Variants in LRRC4C observed in about 807,000 individuals in gnomAD.
The protein encoded by LRRC4C is leucine rich repeat containing 4C, also known as leucine-rich repeat-containing protein 4C.
Under a neutral mutation model 33.6 loss-of-function variants are expected in LRRC4C, and 5 were observed. The ratio of observed to expected loss-of-function variants is 0.15; its 90% CI spans 0.08 to 0.31. The LOEUF is 0.31. Ranked by LOEUF, LRRC4C falls within the 10% of genes least tolerant of loss-of-function variation. The pLI, the probability that LRRC4C is intolerant of heterozygous loss-of-function variation, is 1.00. For synonymous variants in LRRC4C, 329 were observed against 302.0 expected, an observed-to-expected ratio of 1.09 and a Z score of -0.93; for missense variants, 560 against 796.7, an observed-to-expected ratio of 0.70 and a Z score of 3.58.
At chr11:40,454,304 T>G (rs1952032335) in intron 3 of LRRC4C, among the ~76,000 whole-genome samples, 1 of 152,084 alleles carries the variant, frequency 6.6e-6, no homozygotes, top group African/African-American at 2.4e-5. Context: ...TATAATCTTC[T>G]CACTCTCACT....
At chr11:40,938,666 G>T (rs1958013127) in intron 1 of LRRC4C, among the ~76,000 whole-genome samples, 1 of 152,130 alleles carries the variant, frequency 6.6e-6, no homozygotes. Context: ...TAAGGCACAA[G>T]GTAGTGAAGT....
chr11:41,178,310 G>C (rs1391176039), intron 1 of LRRC4C, among the ~76,000 whole-genome samples: 1 of 152,140 alleles, frequency 6.6e-6, no homozygotes, highest in Non-Finnish European at 1.5e-5. Flanking sequence ...CACCAGGGTA[G>C]GTTAATAAAA....
chr11:40,118,462 T>C (rs1224441912), intron 6 of LRRC4C, among the ~76,000 whole-genome samples: 4 of 152,114 alleles, frequency 2.6e-5, no homozygotes, highest in African/African-American at 9.7e-5. Flanking sequence ...TACAATGATA[T>C]ATGTTCATTG....
intron 3 of LRRC4C, among the ~76,000 whole-genome samples, chr11:40,498,475 T>C (rs1384735526): frequency 6.6e-6 from 1 of 152,234 alleles, no homozygotes; most frequent in Non-Finnish European, 1.5e-5. Context: ...ATTACTTTTG[T>C]TCATTTTAAT....
chr11:40,883,294 C>A (rs936841212), intron 2 of LRRC4C, among the ~76,000 whole-genome samples: 1 of 151,988 alleles, frequency 6.6e-6, no homozygotes, highest in African/African-American at 2.4e-5. Flanking sequence ...ATGCCTGCCC[C>A]CCTATAGTCA....
At chr11:41,386,173 G>A (rs2956775) in intron 1 of LRRC4C, among the ~76,000 whole-genome samples, 42,164 of 151,204 alleles carry the variant, frequency 0.28, 6,015 homozygotes, top group East Asian at 0.36. Flanking sequence ...AAATGCTTTG[G>A]GAGAAAAACA....
chr11:40,884,507 T>G (rs1955340377), intron 2 of LRRC4C, among the ~76,000 whole-genome samples: 1 of 152,080 alleles, frequency 6.6e-6, no homozygotes, highest in Non-Finnish European at 1.5e-5. Flanking sequence ...CCACAATGAT[T>G]AAACGAATTT....
intron 2 of LRRC4C, among the ~76,000 whole-genome samples, chr11:40,847,378 C>A (rs757877307): frequency 6.6e-6 from 1 of 151,908 alleles, no homozygotes; most frequent in South Asian, 2.1e-4. Flanking sequence ...TTTTATTGAA[C>A]GCCTTTTCTG....
chr11:40,344,804 A>C (rs527761954), intron 3 of LRRC4C, among the ~76,000 whole-genome samples: 1 of 152,262 alleles, frequency 6.6e-6, no homozygotes, highest in Non-Finnish European at 1.5e-5. Context: ...ACTTCAACAA[A>C]ATTTCAGGAT....
intron 1 of LRRC4C, among the ~76,000 whole-genome samples, chr11:41,377,671 C>T (rs1168053383): frequency 6.6e-6 from 1 of 152,094 alleles, no homozygotes; most frequent in Non-Finnish European, 1.5e-5. Context: ...GATGATCCTT[C>T]AAATACACAA....
intron 3 of LRRC4C, among the ~76,000 whole-genome samples, chr11:40,619,785 C>T (rs1159589511): frequency 1.3e-5 from 2 of 151,154 alleles, no homozygotes; most frequent in Non-Finnish European, 1.5e-5. Flanking sequence ...CAACATCCCA[C>T]GATAATTCAG....
chr11:41,178,499 G>C (rs1945303338), intron 1 of LRRC4C, among the ~76,000 whole-genome samples: 1 of 152,038 alleles, frequency 6.6e-6, no homozygotes, highest in South Asian at 2.1e-4. Context: ...AACTACAGGG[G>C]TGCACCACCA....
intron 5 of LRRC4C, among the ~76,000 whole-genome samples, chr11:40,181,942 C>G (rs946041887): frequency 4.6e-5 from 7 of 152,042 alleles, no homozygotes; most frequent in African/African-American, 1.7e-4. Flanking sequence ...GTGGTGGACA[C>G]AAAATGAGAG....
chr11:40,860,069 G>A (rs946308274), intron 2 of LRRC4C, among the ~76,000 whole-genome samples: 34 of 149,926 alleles, frequency 2.3e-4, no homozygotes, highest in African/African-American at 8.3e-4. Context: ...CTGGGTGACA[G>A]AGCGAGACTC....
intron 1 of LRRC4C, chr11:41,394,869 C>T (rs1953743697): frequency 6.6e-6 from 1 of 151,844 alleles, no homozygotes; most frequent in Non-Finnish European, 1.5e-5. Context: ...TATTTAGTCA[C>T]TTAATAGAGA....
chr11:40,569,265 A>G (rs1957882122), intron 3 of LRRC4C, among the ~76,000 whole-genome samples: 1 of 152,180 alleles, frequency 6.6e-6, no homozygotes, highest in Non-Finnish European at 1.5e-5. Flanking sequence ...GCCTGAATTT[A>G]GACTCAGATG....
intron 3 of LRRC4C, among the ~76,000 whole-genome samples, chr11:40,592,677 G>A (rs993374374): frequency 3.3e-5 from 5 of 152,118 alleles, no homozygotes; most frequent in African/African-American, 7.2e-5. Context: ...CTACACCCAG[G>A]TTGTATAACT....
At chr11:41,050,884 A>G (rs546627749) in intron 1 of LRRC4C, among the ~76,000 whole-genome samples, 76 of 152,288 alleles carry the variant, frequency 5.0e-4, no homozygotes, top group Admixed American at 7.8e-4. Context: ...AGAGGTTTTC[A>G]TTGCTGAGAA....
chr11:40,514,556 G>A (rs935788879), intron 3 of LRRC4C, among the ~76,000 whole-genome samples: 3 of 151,968 alleles, frequency 2.0e-5, no homozygotes, highest in African/African-American at 7.3e-5. Context: ...TGGCTATATG[G>A]TTATTGCTAT....
Sources: gnomAD v4.1 joint callset for allele counts (sites outside exome capture counted in the v4.1 genomes callset) on GRCh38, gnomAD v4.1.1 for gene constraint, MANE v1.5 for transcripts, NCBI Gene and HGNC (gene_info 2026-07-23, HGNC 2026-07-21) for gene names.